Variants in PTCH1 observed in about 807,000 individuals in gnomAD.
PTCH1 encodes patched 1, also known as protein patched homolog 1.
A neutral mutation model predicts 144.6 loss-of-function variants in PTCH1; 14 were observed. The observed-to-expected ratio is 0.10, with a 90% CI of 0.06 to 0.15. The LOEUF is 0.15. PTCH1 is among the 10% of genes least tolerant of loss of function. The probability of loss-of-function intolerance (pLI) is 1.00; values close to 1 mark genes in which losing one functional copy is unlikely to be tolerated. For synonymous variants in PTCH1, 833 were observed against 793.6 expected, an observed-to-expected ratio of 1.05 and a Z score of -0.83; for missense variants, 1,623 against 1,948.3, an observed-to-expected ratio of 0.83 and a Z score of 3.14.
chr9:95,447,498 C>T (rs1362052595), intron 22 of PTCH1, 47 bp from the exon 23 acceptor site: 3 of 1,497,874 alleles, frequency 2.0e-6, no homozygotes, highest in Non-Finnish European at 2.7e-6. Context: ...CCAGGCTGGG[C>T]ATGGTCCCCG....
rs2118287825 is a variant in PTCH1 at position 95,476,872 on chromosome 9, G to A, written c.1504-15C>T. 1 of 1,609,900 alleles carries A rather than the reference G, an allele frequency of 6.2e-7. No homozygotes were observed. Among genetic ancestry groups the A allele is most frequent in the Non-Finnish European group, 8.5e-7 (1 of 1,176,752 alleles). On this transcript the variant is annotated splice_polypyrimidine_tract_variant and intron_variant, in intron 10 of 23. Coordinates refer to ENST00000331920, the MANE Select transcript of PTCH1 (RefSeq NM_000264.5). The surrounding 1 kb of genome is among the most constrained non-coding windows in gnomAD (Gnocchi z 4.6). ...AATGGCAAAACCTACAGCAAAAACA[G>A]AGGATGGTGGCATTAGACATGCGAG...
chr9:95,514,234 C>T (rs1296167187), upstream of PTCH1: 1 of 152,244 alleles, frequency 6.6e-6, no homozygotes, highest in Non-Finnish European at 1.5e-5. Flanking sequence ...CAAATATATT[C>T]TTACCCACAT....
intron 2 of PTCH1, among the ~76,000 whole-genome samples, chr9:95,498,495 A>G (rs1286366186): frequency 6.6e-6 from 1 of 152,248 alleles, no homozygotes; most frequent in Admixed American, 6.5e-5. Context: ...TGGAACAGTC[A>G]TATTCCCTCC....
chr9:95,491,972 G>A (rs1435202177), intron 2 of PTCH1, among the ~76,000 whole-genome samples: 1 of 152,162 alleles, frequency 6.6e-6, no homozygotes, highest in African/African-American at 2.4e-5. Context: ...CAACCAAACA[G>A]GAAATCATGT....
upstream of PTCH1, chr9:95,514,105 A>T (rs759113841): frequency 6.6e-6 from 1 of 152,208 alleles, no homozygotes; most frequent in Non-Finnish European, 1.5e-5. Context: ...GACTTTATGT[A>T]TTGCCAAAAG....
At chr9:95,487,504 C>CA (rs1842062462) in intron 2 of PTCH1, among the ~76,000 whole-genome samples, 1 of 152,212 alleles carries the variant, frequency 6.6e-6, no homozygotes. Flanking sequence ...GGGGCTTGCT[C>CA]ACTCTAGCAG....
At chr9:95,460,111 G>C (rs528980008) in intron 16 of PTCH1, among the ~76,000 whole-genome samples, 1 of 152,302 alleles carries the variant, frequency 6.6e-6, no homozygotes, top group East Asian at 1.9e-4. Flanking sequence ...TATAGGAGGG[G>C]AAGGGGGAGA....
At chr9:95,515,313 C>T (rs1229068041) in intron 1 of PTCH1, among the ~76,000 whole-genome samples, 1 of 152,140 alleles carries the variant, frequency 6.6e-6, no homozygotes, top group Non-Finnish European at 1.5e-5. Flanking sequence ...CCCATTGTGG[C>T]TCTTTATTAT....
At chr9:95,499,483 C>T (rs1490425156) in intron 2 of PTCH1, among the ~76,000 whole-genome samples, 2 of 99,404 alleles carry the variant, frequency 2.0e-5, no homozygotes, top group South Asian at 3.8e-4. Flanking sequence ...AGTGGGTGGG[C>T]GGGAGAAGGG....
rs369105527 is a variant in PTCH1 at position 95,485,806 on chromosome 9, G to A, written c.463C>T (p.Pro155Ser). The part of the protein sequence containing the change: ...QKIGEEAMFN[P>S]QLMIQTPKEE... Reference sequence around the variant, plus strand: ...TTAGGGGTCTGTATCATGAGTTGAGGATTAAACATAGCCTCTTCTCCAATC... The same window carrying A: ...TTAGGGGTCTGTATCATGAGTTGAGAATTAAACATAGCCTCTTCTCCAATC... Residue 155 changes from proline (P) to serine (S), a missense_variant, in exon 3 of 24, where the codon CCT becomes TCT. Pro to Ser is a moderately conservative substitution (Grantham distance 74, BLOSUM62 -1). Around this residue, in one of 7 missense-constraint regions of PTCH1, gnomAD observed 245 missense variants for 240.6 expected, o/e 1.02. Coordinates refer to ENST00000331920, the MANE Select transcript of PTCH1 (RefSeq NM_000264.5). 1.1e-5 allele frequency: 18 copies of A among 1,614,010 alleles called. No individual in the cohort carries two copies. The highest frequency in any genetic ancestry group is 5.1e-6 in the Non-Finnish European group (6 of 1,180,038).
chr9:95,475,920 T>G, intron 12 of PTCH1, 114 bp downstream of exon 12: 1 of 1,512,956 alleles, frequency 6.6e-7, no homozygotes, highest in Non-Finnish European at 9.0e-7. Context: ...AACACAGGCA[T>G]TTCTATTTCA....
At chr9:95,493,193 T>C (rs1447169869) in intron 2 of PTCH1, among the ~76,000 whole-genome samples, 2 of 152,212 alleles carry the variant, frequency 1.3e-5, no homozygotes, top group Non-Finnish European at 2.9e-5. Context: ...AGACAAGAGA[T>C]GTTTCCCTCA....
At position 95,506,533 on chromosome 9, in the gene PTCH1, G is replaced by A. The variant is rs1587693584; in HGVS notation, c.268C>T (p.Leu90=). Residue 90 remains leucine (L), a synonymous_variant, in exon 2 of 24, where the codon CTG becomes TTG. Transcript: ENST00000331920. ...CAGTTTTTTTGAATGTAACAACCCA[G>A]TTTAAATAAGAGTCTCTGAAACTTC... The part of the protein sequence containing the change: ...RAKFQRLLFK[L]GCYIQKNCGK... The A allele has an allele frequency of 3.7e-6, 6 of 1,613,546 alleles. No individual in the cohort carries two copies. Among genetic ancestry groups the A allele is most frequent in the Non-Finnish European group, 5.1e-6 (6 of 1,179,696 alleles).
intron 2 of PTCH1, among the ~76,000 whole-genome samples, chr9:95,500,369 G>A (rs574534539): frequency 6.6e-6 from 1 of 152,222 alleles, no homozygotes; most frequent in South Asian, 2.1e-4. Flanking sequence ...ATTTCCAATC[G>A]TTTTTCTCCA....
At position 95,476,952 on chromosome 9, in the gene PTCH1, G is replaced by A; in HGVS notation, c.1504-95C>T. On this transcript the variant is annotated intron_variant, in intron 10 of 23. Transcript: ENST00000331920. This position sits in a 1 kb window ranked among gnomAD's most constrained non-coding sequence, Gnocchi z 4.6. ...AGGACTCTGCCACCAGCACCTAACA[G>A]CTCCTGAAGCAGGGCTTCCGTAACC... The A allele has an allele frequency of 2.6e-6, 3 of 1,165,304 alleles. No homozygotes were observed. In the South Asian group the frequency reaches 3.9e-5, roughly 15 times the overall value. 72.2% of individuals were successfully genotyped at this position (1,165,304 alleles called of 1,614,324 possible).
intron 15 of PTCH1, among the ~76,000 whole-genome samples, chr9:95,465,806 G>T (rs1320163843): frequency 1.3e-5 from 2 of 152,142 alleles, no homozygotes; most frequent in East Asian, 3.9e-4. Context: ...AAATGTTGGG[G>T]GCCATAATGA....
At chr9:95,453,356 C>A in intron 20 of PTCH1, 122 bp downstream of exon 20, 1 of 1,459,402 alleles carries the variant, frequency 6.9e-7, no homozygotes, top group Non-Finnish European at 9.5e-7. Context: ...GTCTTGAACT[C>A]CTTGACCTTC....
chr9:95,488,333 T>C (rs1042548002), intron 2 of PTCH1, among the ~76,000 whole-genome samples: 15 of 152,194 alleles, frequency 9.9e-5, no homozygotes, highest in Admixed American at 9.8e-4. Context: ...ATTTTGCCAA[T>C]GTGATGTTTC....
intron 2 of PTCH1, among the ~76,000 whole-genome samples, chr9:95,504,660 C>T (rs538442705): frequency 1.3e-5 from 2 of 152,224 alleles, no homozygotes; most frequent in South Asian, 4.2e-4. Context: ...TCTAGCCAAT[C>T]ACATCACTTC....
Sources: gnomAD v4.1 joint callset for allele counts (sites outside exome capture counted in the v4.1 genomes callset) on GRCh38, gnomAD v4.1.1 for gene constraint, gnomAD v4.1.1 regional missense constraint, Gnocchi (gnomAD v3.1) non-coding constraint, MANE v1.5 for transcripts, NCBI Gene and HGNC (gene_info 2026-07-23, HGNC 2026-07-21) for gene names.